Variants in IDE observed in about 807,000 individuals in gnomAD.
IDE encodes the protein insulin-degrading enzyme.
In IDE, 58 loss-of-function variants were observed where a neutral mutation model predicts 133.2. That is an observed-to-expected ratio of 0.44 (90% CI 0.35 to 0.54). The LOEUF (loss-of-function observed/expected upper bound fraction) is 0.54, where lower values mean the gene tolerates loss of function less well. Among genes scored for constraint, IDE ranks in the 20% least tolerant of loss-of-function variants. The probability of loss-of-function intolerance (pLI) is 0.00; values close to 1 mark genes in which losing one functional copy is unlikely to be tolerated. For missense variants in IDE, 981 were observed against 1,234.0 expected, an observed-to-expected ratio of 0.79 and a Z score of 3.07; for synonymous variants, 396 against 421.3, an observed-to-expected ratio of 0.94 and a Z score of 0.73.
chr10:92,557,874 CAAAAAAAAAA>C (rs3051565), intron 1 of IDE, among the ~76,000 whole-genome samples: 7 of 108,340 alleles, frequency 6.5e-5, no homozygotes, highest in Non-Finnish European at 9.0e-5. Context: ...GATTCCACCT[CAAAAAAAAAA>C]AAAAAAAAAG....
At position 92,508,729 on chromosome 10, in the gene IDE, C is replaced by G; in HGVS notation, c.1059G>C (p.Lys353Asn). The G allele has an allele frequency of 6.2e-7, 1 of 1,613,816 alleles. No individual in the cohort carries two copies. The highest frequency in any genetic ancestry group is 8.5e-7 in the Non-Finnish European group (1 of 1,179,802). ...PGSLLSELKS[K>N]GWVNTLVGGQ... ...GAAGATGCTGCCCAGGAGACTTACC[C>G]TTTGACTTAAGTTCTGATAACAGAC... Residue 353 changes from lysine to asparagine, a missense_variant and splice_region_variant, in exon 7 of 25, where the codon AAG becomes AAC. Transcript: ENST00000265986.
At chr10:92,527,982 C>T (rs1414139945) in intron 4 of IDE, among the ~76,000 whole-genome samples, 5 of 152,208 alleles carry the variant, frequency 3.3e-5, no homozygotes, top group Non-Finnish European at 7.3e-5. Context: ...CGCCACTGTA[C>T]TCCAAAGAAC....
At chr10:92,534,343 G>A (rs920690493) in intron 3 of IDE, among the ~76,000 whole-genome samples, 2 of 152,186 alleles carry the variant, frequency 1.3e-5, no homozygotes, top group African/African-American at 4.8e-5. Context: ...TGTAACACCA[G>A]TTAGAATGGA....
At chr10:92,456,893 T>C (rs1390387744) in intron 22 of IDE, among the ~76,000 whole-genome samples, 13 of 136,458 alleles carry the variant, frequency 9.5e-5, no homozygotes, top group African/African-American at 3.5e-4. Flanking sequence ...AAAGAAAAGA[T>C]ACTTCCCTTT....
intron 22 of IDE, among the ~76,000 whole-genome samples, chr10:92,460,133 A>G (rs994320621): frequency 6.6e-6 from 1 of 152,156 alleles, no homozygotes; most frequent in African/African-American, 2.4e-5. Flanking sequence ...CACCACGCCC[A>G]GCCGGTGTGA....
At chr10:92,557,302 C>T (rs1021211767) in intron 1 of IDE, among the ~76,000 whole-genome samples, 4 of 152,100 alleles carry the variant, frequency 2.6e-5, no homozygotes, top group Admixed American at 6.6e-5. Context: ...TTTGGGAGGC[C>T]GAGGGGGGTG....
intron 1 of IDE, among the ~76,000 whole-genome samples, chr10:92,550,662 A>T (rs1842738089): frequency 6.7e-6 from 1 of 149,668 alleles, no homozygotes; most frequent in African/African-American, 2.5e-5. Context: ...AAAAAAAAAA[A>T]AAAAAAAAAA....
intron 4 of IDE, among the ~76,000 whole-genome samples, chr10:92,524,236 T>A (rs1290028282): frequency 7.2e-6 from 1 of 138,082 alleles, no homozygotes; most frequent in East Asian, 2.0e-4. Flanking sequence ...ACCCGGGAAG[T>A]GGAGGTTACG....
In IDE at chr10:92,510,094, A is replaced by T. The variant is rs997663411; in HGVS notation, c.853T>A (p.Leu285Met). The change falls in exon 6 of 25, where the codon TTG (leucine) becomes ATG (methionine). Residue 285 changes from leucine to methionine, a missense_variant. Transcript: ENST00000265986. ...FSEVENKNVPLPEFPEHPFQE... is the reference protein window; with the variant it reads ...FSEVENKNVPMPEFPEHPFQE... Reference sequence around the variant, plus strand: ...AAAGGGTGTTCAGGAAATTCTGGCAATGGAACATTTTTGTTCTCTACTTCA... The same window carrying T: ...AAAGGGTGTTCAGGAAATTCTGGCATTGGAACATTTTTGTTCTCTACTTCA... The T allele has an allele frequency of 3.1e-6, 5 of 1,606,726 alleles. No homozygotes were observed. The highest frequency in any genetic ancestry group is 1.7e-4 in the Middle Eastern group (1 of 6,058).
At chr10:92,506,550 T>A in intron 9 of IDE, 28 bp from the exon 10 acceptor site, 1 of 1,107,302 alleles carries the variant, frequency 9.0e-7, no homozygotes. Context: ...TCCAATTAGA[T>A]ACGGCCACCC....
chr10:92,563,812 A>C (rs1403972755), intron 1 of IDE, among the ~76,000 whole-genome samples: 1 of 152,188 alleles, frequency 6.6e-6, no homozygotes, highest in Non-Finnish European at 1.5e-5. Flanking sequence ...AATTAAAAAA[A>C]TCTTAAAGTT....
intron 2 of IDE, among the ~76,000 whole-genome samples, chr10:92,536,219 C>T (rs933589378): frequency 6.7e-6 from 1 of 150,048 alleles, no homozygotes; most frequent in Admixed American, 6.7e-5. Flanking sequence ...CTCATCTCTA[C>T]TAAAAATACC....
intron 4 of IDE, among the ~76,000 whole-genome samples, chr10:92,524,425 A>T (rs865802230): frequency 0.035 from 2,652 of 74,970 alleles, 233 homozygotes; most frequent in Non-Finnish European, 0.053. Flanking sequence ...TATTATATAT[A>T]ATATATTTTA....
intron 17 of IDE, among the ~76,000 whole-genome samples, chr10:92,470,577 CTTTTT>C (rs558942995): frequency 6.6e-6 from 1 of 151,510 alleles, no homozygotes; most frequent in African/African-American, 2.4e-5. Context: ...CCATTTTTAT[CTTTTT>C]TTTTATTCCA....
At chr10:92,533,954 C>A (rs574467483) in intron 3 of IDE, among the ~76,000 whole-genome samples, 2 of 151,552 alleles carry the variant, frequency 1.3e-5, no homozygotes, top group South Asian at 4.2e-4. Context: ...ACCCGGAAGG[C>A]GAAGGTTGCA....
chr10:92,549,871 C>T (rs944103449), intron 1 of IDE, among the ~76,000 whole-genome samples: 3 of 152,058 alleles, frequency 2.0e-5, no homozygotes, highest in African/African-American at 7.2e-5. Context: ...TCTTTAGACA[C>T]AAAATGACCA....
At chr10:92,544,451 A>G (rs1842453179) in intron 1 of IDE, among the ~76,000 whole-genome samples, 1 of 152,072 alleles carries the variant, frequency 6.6e-6, no homozygotes, top group South Asian at 2.1e-4. Context: ...AACCAAAAAG[A>G]AAAAAAAGAA....
chr10:92,558,147 G>A (rs1271996867), intron 1 of IDE, among the ~76,000 whole-genome samples: 1 of 152,144 alleles, frequency 6.6e-6, no homozygotes, highest in African/African-American at 2.4e-5. Context: ...CCACCTCCCG[G>A]GTTCAAGCGA....
chr10:92,492,822 T>C (rs1056172003), intron 11 of IDE, among the ~76,000 whole-genome samples: 15 of 152,214 alleles, frequency 9.9e-5, no homozygotes, highest in Non-Finnish European at 1.9e-4. Context: ...ACTTCAACGC[T>C]AGTAGTCTGA....
Sources: allele counts gnomAD v4.1 joint callset (sites outside exome capture counted in the v4.1 genomes callset), GRCh38; gene constraint gnomAD v4.1.1; transcripts MANE v1.5; gene names NCBI Gene and HGNC (gene_info 2026-07-23, HGNC 2026-07-21).